DDX25: variants seen among roughly 807,000 people sequenced by gnomAD.
DDX25 encodes ATP-dependent RNA helicase DDX25.
In DDX25, 70 loss-of-function variants were observed where a neutral mutation model predicts 64.6. That is an observed-to-expected ratio of 1.08 (90% CI 0.89 to 1.32). DDX25 has a LOEUF of 1.32. Ranked by LOEUF, DDX25 falls within the 40% of genes most tolerant of loss-of-function variation. The pLI is 0.00. For synonymous variants in DDX25, 211 were observed against 213.3 expected, an observed-to-expected ratio of 0.99 and a Z score of 0.09; for missense variants, 587 against 604.4, an observed-to-expected ratio of 0.97 and a Z score of 0.30.
intron 6 of DDX25, 92 bp downstream of exon 6, chr11:125,908,595 A>C: frequency 8.4e-7 from 1 of 1,192,682 alleles, no homozygotes; most frequent in Non-Finnish European, 1.2e-6. Context: ...TATGGTTACT[A>C]TGGTGATGAA....
At chr11:125,913,144 C>A (rs1457457564) in intron 8 of DDX25, among the ~76,000 whole-genome samples, 4 of 137,188 alleles carry the variant, frequency 2.9e-5, no homozygotes, top group Admixed American at 2.4e-4. Context: ...GGTGACAGAG[C>A]AAGACTCCAT....
At chr11:125,906,295 C>G (rs1944885490) in intron 4 of DDX25, 86 bp downstream of exon 4, 1 of 1,402,952 alleles carries the variant, frequency 7.1e-7, no homozygotes, top group Non-Finnish European at 9.3e-7. Context: ...CCATCAGGAT[C>G]TCCTCTTTGT....
intron 7 of DDX25, among the ~76,000 whole-genome samples, 159 bp from the exon 8 acceptor site, chr11:125,911,152 T>C (rs1944962111): frequency 6.6e-6 from 1 of 152,218 alleles, no homozygotes; most frequent in Non-Finnish European, 1.5e-5. Context: ...TCCTAAAAAT[T>C]CTGCAGAATC....
At position 125,920,842 on chromosome 11, in the gene DDX25, A is replaced by G. The variant is rs557785800; in HGVS notation, c.1202-349A>G. 1.3e-3 allele frequency: 255 copies of G among 199,144 alleles called. 2 individuals are homozygous for G. Among genetic ancestry groups the G allele is most frequent in the Non-Finnish European group, 1.8e-3 (172 of 97,054 alleles). 12.3% of individuals were successfully genotyped at this position (199,144 alleles called of 1,614,324 possible). A position where few individuals can be genotyped will look rare whatever the true frequency, so the allele number is the denominator to read the frequency against. ...TGTGAGACTATGGGGCCTGCTGGGG[A>G]CTTGGCACAGCAGGAGCAGAGAGGA... On this transcript the variant is annotated intron_variant, in intron 10 of 11. Transcript: ENST00000263576.
intron 9 of DDX25, 91 bp from the exon 10 acceptor site, chr11:125,918,537 A>C: frequency 6.3e-5 from 89 of 1,415,218 alleles, no homozygotes; most frequent in Admixed American, 9.1e-5. Context: ...GCCCTCTCCC[A>C]CCCCCGCCCT....
intron 8 of DDX25, among the ~76,000 whole-genome samples, chr11:125,913,611 T>C (rs1299280918): frequency 6.6e-6 from 1 of 152,198 alleles, no homozygotes; most frequent in Non-Finnish European, 1.5e-5. Flanking sequence ...ATCTCCAAGC[T>C]TTTGTTTATG....
chr11:125,904,456 C>T (rs1944845992), upstream of DDX25: 1 of 1,428,170 alleles, frequency 7.0e-7, no homozygotes, highest in South Asian at 1.5e-5. Flanking sequence ...GCGGATGGGG[C>T]CAGCACCGCC....
chr11:125,905,692 A>G, intron 3 of DDX25, 95 bp downstream of exon 3: 1 of 1,287,200 alleles, frequency 7.8e-7, no homozygotes, highest in South Asian at 1.4e-5. Context: ...CAATTGGAAA[A>G]GGCCTGTCTT....
At chr11:125,908,174 G>C in intron 4 of DDX25, 22 bp from the exon 5 acceptor site, 1 of 1,487,518 alleles carries the variant, frequency 6.7e-7, no homozygotes, top group East Asian at 2.4e-5. Context: ...ATCTGTAAGT[G>C]TTTGATTTTT....
intron 4 of DDX25, 28 bp from the exon 5 acceptor site, chr11:125,908,168 G>GT (rs1250576924): frequency 6.6e-7 from 1 of 1,504,074 alleles, no homozygotes; most frequent in Non-Finnish European, 8.9e-7. Flanking sequence ...ACTATAATCT[G>GT]TAAGTGTTTG....
intron 4 of DDX25, among the ~76,000 whole-genome samples, chr11:125,906,982 C>T (rs1452711026): frequency 1.3e-5 from 2 of 152,160 alleles, no homozygotes; most frequent in Non-Finnish European, 2.9e-5. Flanking sequence ...CTCTCCATAT[C>T]AGAACCCAGA....
intron 8 of DDX25, among the ~76,000 whole-genome samples, chr11:125,912,299 A>G (rs1463206791): frequency 6.6e-6 from 1 of 152,076 alleles, no homozygotes; most frequent in Admixed American, 6.6e-5. Flanking sequence ...CTATCCCCCC[A>G]TTACCTCTCT....
chr11:125,912,599 G>A (rs978429238), intron 8 of DDX25, among the ~76,000 whole-genome samples: 6 of 152,038 alleles, frequency 3.9e-5, no homozygotes, highest in Admixed American at 2.0e-4. Flanking sequence ...ATATACATTC[G>A]GTACAAGCAC....
chr11:125,907,477 G>C (rs11220271), intron 4 of DDX25, among the ~76,000 whole-genome samples: 17 of 151,456 alleles, frequency 1.1e-4, no homozygotes, highest in South Asian at 4.2e-4. Context: ...GTGTGGTGGC[G>C]GGCGCCTGTA....
At position 125,917,023 on chromosome 11, in the gene DDX25, C is replaced by T; in HGVS notation, c.810C>T (p.Pro270=). Residue 270 remains proline, a synonymous_variant, in exon 9 of 12, where the codon CCC becomes CCT. Coordinates refer to ENST00000263576, the MANE Select transcript of DDX25 (RefSeq NM_013264.5). ...CTCTCCTCTATCACAGAGCTCTACCCTCCGAATGCCAAATGCTCCTCTTTT... is the reference window on the plus strand; with the variant it reads ...CTCTCCTCTATCACAGAGCTCTACCTTCCGAATGCCAAATGCTCCTCTTTT... ...DHSIRIQRAL[P]SECQMLLFSA... 1 of 1,593,380 alleles carries T rather than the reference C, an allele frequency of 6.3e-7. No homozygotes were observed. Among genetic ancestry groups the T allele is most frequent in the South Asian group, 1.1e-5 (1 of 86,998 alleles).
chr11:125,925,799 T>G lies in DDX25; in HGVS notation c.*2918T>G. On this transcript the variant is annotated 3_prime_UTR_variant, in exon 12 of 12. Coordinates refer to ENST00000263576, the MANE Select transcript of DDX25 (RefSeq NM_013264.5). ...CTGGATCTAAGGCAACCATTAATAA[T>G]AGGAAAGGCAAATAAGTTGGTCATA... 1 of 184,258 alleles carries G rather than the reference T, an allele frequency of 5.4e-6. No homozygotes were observed. Among genetic ancestry groups the G allele is most frequent in the East Asian group, 1.5e-4 (1 of 6,738 alleles). The allele number at this position is 184,258 out of a possible 1,614,324, so 11.4% of individuals were successfully genotyped here.
At position 125,905,199 on chromosome 11, in the gene DDX25, T is replaced by G; in HGVS notation, c.64-13T>G. ...GCATCCTAATATTGGTTGAAATTTG[T>G]GTCTCTCAATAGTTTTCAAACCTCA... On this transcript the variant is annotated splice_polypyrimidine_tract_variant and intron_variant, in intron 1 of 11. Coordinates refer to ENST00000263576, the MANE Select transcript of DDX25 (RefSeq NM_013264.5). 6.4e-7 allele frequency: 1 copy of G among 1,551,456 alleles called. No homozygotes were observed. Among genetic ancestry groups the G allele is most frequent in the Non-Finnish European group, 8.7e-7 (1 of 1,146,844 alleles).
upstream of DDX25, among the ~76,000 whole-genome samples, chr11:125,903,884 A>T (rs997575701): frequency 2.0e-5 from 3 of 152,216 alleles, no homozygotes; most frequent in Non-Finnish European, 4.4e-5. Flanking sequence ...ACCGAAAGGT[A>T]ATGTTTTTAA....
At chr11:125,914,382 G>C (rs896103391) in intron 8 of DDX25, among the ~76,000 whole-genome samples, 5 of 152,204 alleles carry the variant, frequency 3.3e-5, no homozygotes, top group African/African-American at 1.2e-4. Context: ...CTGGGAGCAA[G>C]GCAGGGGAAC....
Sources: gnomAD v4.1 joint callset for allele counts (sites outside exome capture counted in the v4.1 genomes callset) on GRCh38, gnomAD v4.1.1 for gene constraint, MANE v1.5 for transcripts, NCBI Gene and HGNC (gene_info 2026-07-23, HGNC 2026-07-21) for gene names.